The following ZNF189 variants were observed in gnomAD, a reference collection of about 807,000 sequenced individuals.
The protein encoded by ZNF189 is zinc finger protein 189.
Under a neutral mutation model 53.5 loss-of-function variants are expected in ZNF189, and 33 were observed. The ratio of observed to expected loss-of-function variants is 0.62; its 90% CI spans 0.47 to 0.82. The LOEUF (loss-of-function observed/expected upper bound fraction) is 0.82. ZNF189 is among the 40% of genes least tolerant of loss of function. The probability of loss-of-function intolerance (pLI) is 0.00; values close to 1 mark genes in which losing one functional copy is unlikely to be tolerated. For synonymous variants in ZNF189, 247 were observed against 238.8 expected, an observed-to-expected ratio of 1.03 and a Z score of -0.32; for missense variants, 711 against 753.9, an observed-to-expected ratio of 0.94 and a Z score of 0.67.
rs558589422 is a variant in ZNF189, at chr9:101,404,306, A to G, written c.161-3623A>G. ...TCATTCTTTAATAATCTTTTTCAGG[A>G]TGTACTTCACTAGTCTGCCTTCTTC... On this transcript the variant is annotated intron_variant, in intron 2 of 2. Coordinates refer to ENST00000339664, the MANE Select transcript of ZNF189 (RefSeq NM_003452.4). Among the ~76,000 whole-genome samples, 131 of 152,230 alleles carry G rather than the reference A, an allele frequency of 8.6e-4. 1 individual carries two copies. The highest frequency in any genetic ancestry group is 3.1e-3 in the African/African-American group (128 of 41,518).
At chr9:101,405,392 G>T (rs113999791) in intron 2 of ZNF189, among the ~76,000 whole-genome samples, 38 of 152,278 alleles carry the variant, frequency 2.5e-4, no homozygotes, top group Admixed American at 7.8e-4. Context: ...ATTGATTAAC[G>T]TGAGAAGAAG....
intron 2 of ZNF189, among the ~76,000 whole-genome samples, chr9:101,402,386 T>A (rs1200939655): frequency 6.6e-6 from 1 of 152,250 alleles, no homozygotes; most frequent in African/African-American, 2.4e-5. Context: ...ATAGGGTTAT[T>A]GTGAGCATTG....
At position 101,410,470 on chromosome 9, in the gene ZNF189, A is replaced by T. The variant is rs565079009; in HGVS notation, c.*821A>T. On this transcript the variant is annotated 3_prime_UTR_variant, in exon 3 of 3. Transcript: ENST00000339664. ...ATATTATGACTGCCAAGTATTGGAA[A>T]TGAAAAGACCTGGAGTCTATGCTAG... 1 of 152,518 alleles carries T rather than the reference A, an allele frequency of 6.6e-6. No homozygotes were observed. Among genetic ancestry groups the T allele is most frequent in the African/African-American group, 2.4e-5 (1 of 41,584 alleles). The allele number at this position is 152,518 out of a possible 1,614,324, so 9.4% of individuals were successfully genotyped here.
chr9:101,403,383 A>G (rs183629568), intron 2 of ZNF189, among the ~76,000 whole-genome samples: 43 of 152,182 alleles, frequency 2.8e-4, no homozygotes, highest in South Asian at 2.7e-3. Context: ...AATAAACACT[A>G]TCTCCATCCC....
At position 101,407,615 on chromosome 9, in the gene ZNF189, A is replaced by G. The variant is rs189386064; in HGVS notation, c.161-314A>G. 2.2e-3 allele frequency: 904 copies of G among 412,386 alleles called. 3 individuals carry two copies. The highest frequency in any genetic ancestry group is 4.0e-3 in the Admixed American group (95 of 23,710). 25.5% of individuals were successfully genotyped at this position (412,386 alleles called of 1,614,324 possible). ...TCTCACTGTTGCCCAGGCTGGTCTC[A>G]AACTCCTGAGCTCAAGTGATCCTCC... On this transcript the variant is annotated intron_variant, in intron 2 of 2. Coordinates refer to ENST00000339664, the MANE Select transcript of ZNF189 (RefSeq NM_003452.4).
chr9:101,408,415 G>A lies in ZNF189; in HGVS notation c.647G>A (p.Ser216Asn), dbSNP rs1432556190. 1.2e-6 allele frequency: 2 copies of A among 1,613,996 alleles called. No individual in the cohort carries two copies. Among genetic ancestry groups the A allele is most frequent in the Non-Finnish European group, 8.5e-7 (1 of 1,179,984 alleles). The change falls in exon 3 of 3, where the codon AGC (serine) becomes AAC (asparagine). Residue 216 changes from serine to asparagine, a missense_variant. Ser to Asn is a conservative substitution (Grantham distance 46). Transcript: ENST00000339664. ...CNYCGKTFSV[S>N]STLIRHQRIH... Reference sequence around the variant, plus strand: ...TACTGTGGAAAAACCTTTAGTGTGAGCTCAACCCTTATTAGACATCAGAGA... The same window carrying A: ...TACTGTGGAAAAACCTTTAGTGTGAACTCAACCCTTATTAGACATCAGAGA...
intron 2 of ZNF189, among the ~76,000 whole-genome samples, chr9:101,406,970 G>A (rs1830737994): frequency 6.6e-6 from 1 of 152,166 alleles, no homozygotes; most frequent in South Asian, 2.1e-4. Context: ...AGAATCACAT[G>A]TACTTGAGGT....
chr9:101,409,837 A>T lies in ZNF189; in HGVS notation c.*188A>T. On this transcript the variant is annotated 3_prime_UTR_variant, in exon 3 of 3. Coordinates refer to ENST00000339664, the MANE Select transcript of ZNF189 (RefSeq NM_003452.4). ...ATTTGACTTCCCTTACTCTTTGATG[A>T]TCGTAGAGAAAGACTTGGTAATTTA... 3.3e-6 allele frequency: 2 copies of T among 597,374 alleles called. No homozygotes were observed. 37.0% of individuals were successfully genotyped at this position (597,374 alleles called of 1,614,324 possible).
At chr9:101,403,694 G>A (rs1313437940) in intron 2 of ZNF189, among the ~76,000 whole-genome samples, 1 of 152,208 alleles carries the variant, frequency 6.6e-6, no homozygotes, top group Non-Finnish European at 1.5e-5. Context: ...CAGAAGGGGA[G>A]AGAGATAGAG....
chr9:101,403,459 T>C (rs1392112531), intron 2 of ZNF189, among the ~76,000 whole-genome samples: 1 of 152,242 alleles, frequency 6.6e-6, no homozygotes, highest in East Asian at 1.9e-4. Context: ...TATTCTCTTC[T>C]ACATCATCTT....
Position 101,407,966 on chromosome 9 carries a change from A to G in ZNF189, c.198A>G (p.Val66=). 1 of 1,596,252 alleles carries G rather than the reference A, an allele frequency of 6.3e-7. No homozygotes were observed. The highest frequency in any genetic ancestry group is 2.2e-5 in the East Asian group (1 of 44,614). ...GAGATAAGGATGAGGAGCCAACTGT[A>G]AAACAAGAGATTGAAGAAATTGAGG... ...LNRDKDEEPT[V]KQEIEEIEEE... is the part of the protein sequence containing the mutation. Residue 66 remains valine (V), a synonymous_variant, in exon 3 of 3, where the codon GTA becomes GTG. Coordinates refer to ENST00000339664, the MANE Select transcript of ZNF189 (RefSeq NM_003452.4).
In ZNF189 at chr9:101,398,928, T is replaced by G. The variant is rs1053973899; in HGVS notation, c.-229T>G. 2 of 539,578 alleles carry G rather than the reference T, an allele frequency of 3.7e-6. No homozygotes were observed. The highest frequency in any genetic ancestry group is 6.3e-5 in the Admixed American group (2 of 31,656). 33.4% of individuals were successfully genotyped at this position (539,578 alleles called of 1,614,324 possible). On this transcript the variant is annotated 5_prime_UTR_variant, in exon 1 of 3. Coordinates refer to ENST00000339664, the MANE Select transcript of ZNF189 (RefSeq NM_003452.4). Reference sequence around the variant, plus strand: ...CTCTAGCGAGGCCTGAAAGGCTGCGTAACCAGGCAGGAGTAGGGGTTGGGG... The same window carrying G: ...CTCTAGCGAGGCCTGAAAGGCTGCGGAACCAGGCAGGAGTAGGGGTTGGGG...
intron 2 of ZNF189, among the ~76,000 whole-genome samples, chr9:101,404,310 A>T (rs1331937691): frequency 1.3e-5 from 2 of 152,170 alleles, no homozygotes; most frequent in Admixed American, 1.3e-4. Flanking sequence ...TTCAGGATGT[A>T]CTTCACTAGT....
At position 101,408,653 on chromosome 9, in the gene ZNF189, G is replaced by C. The variant is rs151045648; in HGVS notation, c.885G>C (p.Lys295Asn). The stretch of plus-strand genomic sequence containing the variant: ...CTTATCACTGTACCAAATGTAAGAA[G>C]AGCTTTAGTCGAAATTCATTGCTTG... ...EKPYHCTKCK[K>N]SFSRNSLLVE... Residue 295 changes from lysine to asparagine, a missense_variant, in exon 3 of 3, where the codon AAG becomes AAC. Transcript: ENST00000339664. 1.2e-5 allele frequency: 20 copies of C among 1,612,742 alleles called. No individual in the cohort carries two copies. The highest frequency in any genetic ancestry group is 8.0e-5 in the African/African-American group (6 of 74,564).
chr9:101,402,876 C>T (rs1293634466), intron 2 of ZNF189, among the ~76,000 whole-genome samples: 1 of 152,132 alleles, frequency 6.6e-6, no homozygotes, highest in Non-Finnish European at 1.5e-5. Context: ...TACCCCCTTG[C>T]CACTAGTCTC....
rs777719704 is a variant in ZNF189 at position 101,409,498 on chromosome 9, T to C, written c.1730T>C (p.Phe577Ser). 1 of 1,614,102 alleles carries C rather than the reference T, an allele frequency of 6.2e-7. No homozygotes were observed. The highest frequency in any genetic ancestry group is 1.7e-5 in the Admixed American group (1 of 60,006). The change falls in exon 3 of 3, where the codon TTC becomes TCC. Residue 577 changes from phenylalanine to serine, a missense_variant. By Grantham distance (155) the Phe-to-Ser change is radical. Coordinates refer to ENST00000339664, the MANE Select transcript of ZNF189 (RefSeq NM_003452.4). ...PYKCEKCDKS[F>S]SQQRSLVNHQ... Reference sequence around the variant, plus strand: ...AAGTGTGAGAAGTGCGACAAAAGTTTCAGTCAACAGCGCAGTCTTGTCAAC... The same window carrying C: ...AAGTGTGAGAAGTGCGACAAAAGTTCCAGTCAACAGCGCAGTCTTGTCAAC...
chr9:101,405,882 A>G (rs1468175429), intron 2 of ZNF189, among the ~76,000 whole-genome samples: 1 of 151,956 alleles, frequency 6.6e-6, no homozygotes, highest in African/African-American at 2.4e-5. Context: ...CGAGACCAAC[A>G]TGGTGCCCCA....
Position 101,408,945 on chromosome 9 carries a change from A to C in ZNF189, c.1177A>C (p.Ile393Leu), listed in dbSNP as rs757315058. Residue 393 changes from isoleucine (I) to leucine (L), a missense_variant, in exon 3 of 3, where the codon ATT becomes CTT. Ile to Leu is a conservative substitution (Grantham distance 5). Coordinates refer to ENST00000339664, the MANE Select transcript of ZNF189 (RefSeq NM_003452.4). ...QLCNLTRHQR[I>L]HTGDKPHKCE... ...TTGCAACCTTACTCGTCATCAGAGA[A>C]TTCACACAGGAGACAAGCCCCATAA... 1.9e-6 allele frequency: 3 copies of C among 1,614,062 alleles called. No individual in the cohort carries two copies. The highest frequency in any genetic ancestry group is 2.5e-6 in the Non-Finnish European group (3 of 1,179,998).
At chr9:101,401,865 T>TG (rs1226565903) in intron 2 of ZNF189, among the ~76,000 whole-genome samples, 1 of 152,096 alleles carries the variant, frequency 6.6e-6, no homozygotes, top group Non-Finnish European at 1.5e-5. Context: ...ACTCTTTCCT[T>TG]GGGGGACCTT....
Sources: allele counts gnomAD v4.1 joint callset (sites outside exome capture counted in the v4.1 genomes callset), GRCh38; gene constraint gnomAD v4.1.1; transcripts MANE v1.5; gene names NCBI Gene and HGNC (gene_info 2026-07-23, HGNC 2026-07-21).